The following UNC13C variants were observed in gnomAD, a reference collection of about 807,000 sequenced individuals.
The protein encoded by UNC13C is unc-13 homolog C, also known as protein unc-13 homolog C.
Under a neutral mutation model 245.4 loss-of-function variants are expected in UNC13C, and 174 were observed. That is an observed-to-expected ratio of 0.71 (90% confidence interval 0.63 to 0.80). The LOEUF (loss-of-function observed/expected upper bound fraction) is 0.80. Ranked by LOEUF, UNC13C falls within the 30% of genes least tolerant of loss-of-function variation. The pLI is 0.00. For synonymous variants in UNC13C, 992 were observed against 895.1 expected (o/e 1.11, Z -1.93); for missense variants, 2,829 against 2,602.9 (o/e 1.09, Z -1.89).
chr15:54,217,247 T>C (rs138817885), intron 4 of UNC13C, among the ~76,000 whole-genome samples: 1,554 of 151,962 alleles, frequency 0.01, 23 homozygotes, highest in African/African-American at 0.036. Context: ...TTGTCTGATG[T>C]GAAATTAAAT....
At chr15:53,968,210 G>C in the UNC13C span, 2 of 152,148 alleles carry the variant, frequency 1.3e-5, no homozygotes, top group South Asian at 2.1e-4. Context: ...ATTTAGACAG[G>C]AGATAAGAGA....
Position 54,626,993 on chromosome 15 carries a change from C to A in UNC13C, c.6525C>A (p.Ile2175=). The A allele has an allele frequency of 6.2e-7, 1 of 1,613,440 alleles. No individual in the cohort carries two copies. The highest frequency in any genetic ancestry group is 8.5e-7 in the Non-Finnish European group (1 of 1,179,592). The change falls in exon 33 of 33, where the codon ATC becomes ATA. Residue 2175 remains isoleucine, a synonymous_variant. Transcript: ENST00000260323. ...CATGGTATCCTCTTCTGAAAAATAT[C>A]TCTATGGATGAAACTGGTTTGACTA... ...YGAWYPLLKN[I]SMDETGLTIL...
chr15:54,024,405 G>C (rs1486360073), intron 2 of UNC13C, among the ~76,000 whole-genome samples: 3 of 152,146 alleles, frequency 2.0e-5, no homozygotes, highest in Non-Finnish European at 4.4e-5. Flanking sequence ...ACAGGTAAAA[G>C]CTTTATTGTT....
chr15:54,174,665 G>A (rs535516088), intron 4 of UNC13C, among the ~76,000 whole-genome samples: 1 of 152,124 alleles, frequency 6.6e-6, no homozygotes, highest in South Asian at 2.1e-4. Flanking sequence ...TGTTAAACAA[G>A]CAAAGCAAAA....
intron 4 of UNC13C, among the ~76,000 whole-genome samples, chr15:54,150,835 A>G (rs1388621030): frequency 6.6e-6 from 1 of 152,220 alleles, no homozygotes; most frequent in Non-Finnish European, 1.5e-5. Flanking sequence ...TTTACTATCT[A>G]TATTCCCAAC....
chr15:54,447,767 A>T (rs566525879), intron 19 of UNC13C, among the ~76,000 whole-genome samples: 2 of 152,086 alleles, frequency 1.3e-5, no homozygotes, highest in Admixed American at 6.5e-5. Flanking sequence ...CTGTGTTGCT[A>T]TCTCCTTCAG....
intron 4 of UNC13C, among the ~76,000 whole-genome samples, chr15:54,231,494 A>ATT (rs921337633): frequency 9.1e-6 from 1 of 110,404 alleles, no homozygotes; most frequent in African/African-American, 4.4e-5. Flanking sequence ...ATTTTGAAGG[A>ATT]TTCTGTCTTC....
intron 26 of UNC13C, 73 bp from the exon 27 acceptor site, chr15:54,546,649 A>G (rs1293569374): frequency 1.3e-5 from 12 of 914,340 alleles, no homozygotes; most frequent in Non-Finnish European, 1.8e-5. Flanking sequence ...TAGCATTTGA[A>G]AATCGTAAAG....
intron 30 of UNC13C, among the ~76,000 whole-genome samples, chr15:54,595,325 C>A (rs1360033350): frequency 6.6e-6 from 1 of 152,112 alleles, no homozygotes; most frequent in Non-Finnish European, 1.5e-5. Context: ...GGGTGTCTCA[C>A]ACAGGGAAGA....
At chr15:54,445,962 T>C (rs1189460116) in intron 19 of UNC13C, among the ~76,000 whole-genome samples, 1 of 152,218 alleles carries the variant, frequency 6.6e-6, no homozygotes. Context: ...CTTGAATTAA[T>C]TTTTGTATAA....
chr15:54,069,437 C>A (rs1052879013), intron 2 of UNC13C, among the ~76,000 whole-genome samples: 2 of 152,130 alleles, frequency 1.3e-5, no homozygotes, highest in African/African-American at 2.4e-5. Flanking sequence ...GACCCACTGT[C>A]CATGTTTTCC....
At chr15:54,076,411 A>G (rs1377827154) in intron 2 of UNC13C, among the ~76,000 whole-genome samples, 1 of 151,726 alleles carries the variant, frequency 6.6e-6, no homozygotes, top group African/African-American at 2.4e-5. Flanking sequence ...TTCCAGTTTC[A>G]TCCATGTCCC....
At chr15:54,548,352 G>A (rs1398158858) in intron 27 of UNC13C, among the ~76,000 whole-genome samples, 1 of 150,670 alleles carries the variant, frequency 6.6e-6, no homozygotes, top group Non-Finnish European at 1.5e-5. Flanking sequence ...CTCCCAAGTA[G>A]CTGGGACTAC....
rs774169685 is a variant in UNC13C at position 54,477,473 on chromosome 15, G to A, written c.4934-17135G>A. ...TCATAGATAGCTCTTATTATTTTGAGATACGTCCCATCAATACCTAATTTA... is the reference window on the plus strand; with the variant it reads ...TCATAGATAGCTCTTATTATTTTGAAATACGTCCCATCAATACCTAATTTA... On this transcript the variant is annotated intron_variant, in intron 19 of 32. Coordinates refer to ENST00000260323, the MANE Select transcript of UNC13C (RefSeq NM_001080534.3). 1.2e-4 allele frequency among the ~76,000 whole-genome samples: 13 copies of A among 109,352 alleles called. 1 individual carries two copies. Among genetic ancestry groups the A allele is most frequent in the African/African-American group, 3.4e-4 (10 of 29,710 alleles). 71.7% of individuals were successfully genotyped at this position (109,352 alleles called of 152,430 possible).
chr15:54,032,012 G>T (rs1029060502), intron 2 of UNC13C, among the ~76,000 whole-genome samples: 2 of 152,092 alleles, frequency 1.3e-5, no homozygotes, highest in African/African-American at 4.8e-5. Flanking sequence ...AATAGCTACC[G>T]GAAGTATTAA....
At chr15:54,362,419 C>T (rs758354131) in intron 17 of UNC13C, among the ~76,000 whole-genome samples, 7 of 152,286 alleles carry the variant, frequency 4.6e-5, no homozygotes, top group Admixed American at 1.3e-4. Flanking sequence ...TGCCTTCTCT[C>T]GATACTGTAG....
chr15:54,532,808 C>A, intron 25 of UNC13C, 109 bp from the exon 26 acceptor site: 2 of 709,894 alleles, frequency 2.8e-6, no homozygotes, highest in Non-Finnish European at 2.3e-6. Context: ...AACTCATGAG[C>A]AGGGGAATTC....
chr15:54,198,631 C>CA (rs1405261975), intron 4 of UNC13C, among the ~76,000 whole-genome samples: 1 of 152,098 alleles, frequency 6.6e-6, no homozygotes, highest in Non-Finnish European at 1.5e-5. Flanking sequence ...TAGTTTGGCT[C>CA]TCAGGAAGCC....
intron 30 of UNC13C, among the ~76,000 whole-genome samples, chr15:54,587,555 G>A (rs1254058133): frequency 6.6e-6 from 1 of 152,178 alleles, no homozygotes; most frequent in East Asian, 1.9e-4. Context: ...TAAGGAGTTT[G>A]GGACCAGCCT....
Sources: gnomAD v4.1 joint callset for allele counts (sites outside exome capture counted in the v4.1 genomes callset) on GRCh38, gnomAD v4.1.1 for gene constraint, MANE v1.5 for transcripts, NCBI Gene and HGNC (gene_info 2026-07-23, HGNC 2026-07-21) for gene names.